The following CCDC148 variants were observed in gnomAD, a reference collection of about 807,000 sequenced individuals.
CCDC148 encodes coiled-coil domain-containing protein 148.
A neutral mutation model predicts 85.7 loss-of-function variants in CCDC148; 89 were observed. The observed-to-expected ratio is 1.04, with a 90% confidence interval of 0.87 to 1.24. The LOEUF (loss-of-function observed/expected upper bound fraction) is 1.24, where lower values mean the gene tolerates loss of function less well. Ranked by LOEUF, CCDC148 falls within the 50% of genes most tolerant of loss-of-function variation. The pLI is 0.00. For synonymous variants in CCDC148, 230 were observed against 213.9 expected (o/e 1.08, Z -0.66); for missense variants, 692 against 671.7 (o/e 1.03, Z -0.33).
rs1387638044 is a variant in CCDC148 at position 158,415,848 on chromosome 2, T to C, written c.25+40567A>G. Reference sequence around the variant, plus strand: ...TGTCTGGAGGATGATGGCCCTATTCTCACAGCTCCACTATGCAGTGCCCTA... The same window carrying C: ...TGTCTGGAGGATGATGGCCCTATTCCCACAGCTCCACTATGCAGTGCCCTA... On this transcript the variant is annotated intron_variant, in intron 1 of 13. Transcript: ENST00000283233. Among the ~76,000 whole-genome samples, 3 of 152,182 alleles carry C rather than the reference T, an allele frequency of 2.0e-5. No individual in the cohort carries two copies. In the East Asian group the frequency reaches 5.8e-4, roughly 29 times the overall value.
At chr2:158,371,403 A>C (rs1684434984) in intron 1 of CCDC148, among the ~76,000 whole-genome samples, 1 of 152,074 alleles carries the variant, frequency 6.6e-6, no homozygotes, top group Non-Finnish European at 1.5e-5. Context: ...TAAAGTAATA[A>C]ACTGTATAGA....
intron 9 of CCDC148, among the ~76,000 whole-genome samples, chr2:158,266,547 T>G (rs901415240): frequency 1.3e-5 from 2 of 152,146 alleles, no homozygotes; most frequent in African/African-American, 4.8e-5. Flanking sequence ...AGTGGTGATT[T>G]GTGAGATTTT....
chr2:158,435,011 T>C (rs1312445672), intron 1 of CCDC148, among the ~76,000 whole-genome samples: 3 of 152,176 alleles, frequency 2.0e-5, no homozygotes, highest in Admixed American at 1.3e-4. Flanking sequence ...TTGGTGTACC[T>C]GAAAGTGACG....
intron 11 of CCDC148, among the ~76,000 whole-genome samples, chr2:158,208,613 G>T (rs1014349002): frequency 6.6e-6 from 1 of 152,182 alleles, no homozygotes; most frequent in Admixed American, 6.5e-5. Flanking sequence ...TGAGACCACA[G>T]GGGAGGAGGC....
chr2:158,369,491 A>G (rs943210782), intron 1 of CCDC148, among the ~76,000 whole-genome samples: 3 of 152,172 alleles, frequency 2.0e-5, no homozygotes, highest in East Asian at 1.9e-4. Flanking sequence ...GTTGGTGTAT[A>G]GGAATGCTTG....
chr2:158,251,864 T>C (rs1688806268), intron 9 of CCDC148, among the ~76,000 whole-genome samples: 1 of 151,852 alleles, frequency 6.6e-6, no homozygotes, highest in Admixed American at 6.6e-5. Flanking sequence ...TACCAAATAA[T>C]GATATTGGTT....
chr2:158,194,112 C>T lies in CCDC148; in HGVS notation c.1371-15116G>A, dbSNP rs555177981. On this transcript the variant is annotated intron_variant, in intron 11 of 13. Coordinates refer to ENST00000283233, the MANE Select transcript of CCDC148 (RefSeq NM_138803.4). ...TAAAAATAAGTTATTACTCAACTAA[C>T]ATTTAAACAGCATCATTCACTTTCT... Among the ~76,000 whole-genome samples, 32 of 152,168 alleles carry T rather than the reference C, an allele frequency of 2.1e-4. No homozygotes were observed. In the South Asian group the frequency reaches 6.0e-3, roughly 29 times the overall value.
chr2:158,346,954 T>C (rs1683023827), intron 2 of CCDC148, among the ~76,000 whole-genome samples: 2 of 152,120 alleles, frequency 1.3e-5, no homozygotes, highest in Non-Finnish European at 1.5e-5. Context: ...TCAAATATTT[T>C]CCTAAGAAGG....
intron 10 of CCDC148, 84 bp from the exon 11 acceptor site, chr2:158,220,797 C>G: frequency 9.7e-7 from 1 of 1,033,662 alleles, no homozygotes; most frequent in Non-Finnish European, 1.4e-6. Context: ...TCCACTGGTT[C>G]GTATTACAAA....
chr2:158,358,349 C>T (rs566500315), intron 2 of CCDC148, 100 bp downstream of exon 2: 2 of 1,405,268 alleles, frequency 1.4e-6, no homozygotes, highest in South Asian at 2.5e-5. Context: ...TTTCTAACAA[C>T]TATTTGGAAT....
In CCDC148 at chr2:158,255,032, T is replaced by G. The variant is rs367987092; in HGVS notation, c.1111-4120A>C. Among the ~76,000 whole-genome samples, 13 of 147,880 alleles carry G rather than the reference T, an allele frequency of 8.8e-5. No homozygotes were observed. The East Asian group carries it at 2.5e-3, about 29-fold the overall frequency. On this transcript the variant is annotated intron_variant, in intron 9 of 13. Coordinates refer to ENST00000283233, the MANE Select transcript of CCDC148 (RefSeq NM_138803.4). Reference sequence around the variant, plus strand: ...AGTTATGTTGATTTTTAAACAGTGATGTACACACCAGAAAATCCTGAAACA... The same window carrying G: ...AGTTATGTTGATTTTTAAACAGTGAGGTACACACCAGAAAATCCTGAAACA...
intron 10 of CCDC148, among the ~76,000 whole-genome samples, chr2:158,227,598 C>G (rs958842424): frequency 6.6e-6 from 1 of 152,088 alleles, no homozygotes; most frequent in South Asian, 2.1e-4. Context: ...GATACTGGTA[C>G]CAAAACAGAG....
intron 2 of CCDC148, among the ~76,000 whole-genome samples, chr2:158,350,781 T>A (rs551764287): frequency 4.6e-5 from 7 of 152,194 alleles, no homozygotes; most frequent in African/African-American, 1.2e-4. Context: ...ATTGTGCATA[T>A]TTATGGGCAC....
intron 9 of CCDC148, among the ~76,000 whole-genome samples, chr2:158,259,228 A>C (rs980423833): frequency 6.6e-6 from 1 of 151,718 alleles, no homozygotes; most frequent in East Asian, 1.9e-4. Flanking sequence ...CCTCTTAGTT[A>C]TGTGCTCCCA....
intron 10 of CCDC148, among the ~76,000 whole-genome samples, chr2:158,233,207 C>T (rs1687937604): frequency 6.6e-6 from 1 of 152,042 alleles, no homozygotes; most frequent in South Asian, 2.1e-4. Flanking sequence ...TGCAACTCCA[C>T]ACAAAAAGTA....
chr2:158,235,168 T>C (rs1043438355), intron 10 of CCDC148, among the ~76,000 whole-genome samples: 8 of 152,180 alleles, frequency 5.3e-5, no homozygotes, highest in Non-Finnish European at 1.0e-4. Flanking sequence ...CAAAAGTATA[T>C]TGTGTATATT....
chr2:158,174,046 T>G (rs756355743), intron 13 of CCDC148, among the ~76,000 whole-genome samples: 1 of 151,830 alleles, frequency 6.6e-6, no homozygotes, highest in Non-Finnish European at 1.5e-5. Flanking sequence ...TAAAACAAAT[T>G]CTCTCTTTCC....
chr2:158,287,214 T>G (rs6719022), intron 9 of CCDC148, among the ~76,000 whole-genome samples: 2 of 152,076 alleles, frequency 1.3e-5, no homozygotes, highest in African/African-American at 4.8e-5. Flanking sequence ...TTCTGAGAGA[T>G]ACAATTAAAG....
chr2:158,176,626 C>G lies in CCDC148; in HGVS notation c.1524G>C (p.Met508Ile). The G allele has an allele frequency of 6.2e-7, 1 of 1,612,100 alleles. No homozygotes were observed. Among genetic ancestry groups the G allele is most frequent in the South Asian group, 1.1e-5 (1 of 90,976 alleles). ...CTTTTGATGCCATTGTATCTGACAT[C>G]ATTCTAACAGGATCAAATTGAGCAA... ...AVVAQFDPVR[M>I]MSDTMASKAR... Residue 508 changes from methionine (M) to isoleucine (I), a missense_variant, in exon 13 of 14, where the codon ATG becomes ATC. Coordinates refer to ENST00000283233, the MANE Select transcript of CCDC148 (RefSeq NM_138803.4).
Sources: gnomAD v4.1 joint callset for allele counts (sites outside exome capture counted in the v4.1 genomes callset) on GRCh38, gnomAD v4.1.1 for gene constraint, MANE v1.5 for transcripts, NCBI Gene and HGNC (gene_info 2026-07-23, HGNC 2026-07-21) for gene names.